Variants in SIN3A observed in about 807,000 individuals in gnomAD.
SIN3A encodes paired amphipathic helix protein Sin3a.
A neutral mutation model predicts 146.1 loss-of-function variants in SIN3A; 14 were observed. The ratio of observed to expected loss-of-function variants is 0.10; its 90% confidence interval spans 0.06 to 0.15. The LOEUF is 0.15. Ranked by LOEUF, SIN3A falls within the 10% of genes least tolerant of loss-of-function variation. The pLI is 1.00. For synonymous variants in SIN3A, 572 were observed against 572.0 expected (o/e 1.00, Z 0.00); for missense variants, 1,028 against 1,576.0 (o/e 0.65, Z 5.89).
intron 3 of SIN3A, 96 bp downstream of exon 3, chr15:75,422,551 C>T: frequency 2.2e-6 from 3 of 1,334,538 alleles, no homozygotes; most frequent in Non-Finnish European, 3.2e-6. Flanking sequence ...GCTAGTATCT[C>T]AGGTTAGAAG....
chr15:75,396,371 T>G lies in SIN3A; in HGVS notation c.1980A>C (p.Thr660=). The change falls in exon 13 of 21, where the codon ACA becomes ACC. Residue 660 remains threonine, a synonymous_variant. Transcript: ENST00000394947. The part of the protein sequence containing the change: ...KFRLDNTLGG[T]SEVIHRKALQ... ...GTGCTTTTCTATGGATGACTTCTGATGTGCCCCCAAGGGTGTTGTCCAAGC... is the reference window on the plus strand; with the variant it reads ...GTGCTTTTCTATGGATGACTTCTGAGGTGCCCCCAAGGGTGTTGTCCAAGC... The G allele has an allele frequency of 6.2e-7, 1 of 1,614,176 alleles. No individual in the cohort carries two copies. The highest frequency in any genetic ancestry group is 8.5e-7 in the Non-Finnish European group (1 of 1,180,016).
upstream of SIN3A, chr15:75,453,116 G>C (rs747329747): frequency 9.2e-5 from 14 of 152,268 alleles, no homozygotes; most frequent in Non-Finnish European, 2.1e-4. Context: ...CTCCCAGAGA[G>C]CTAAGACCCC....
intron 1 of SIN3A, among the ~76,000 whole-genome samples, chr15:75,450,375 G>A (rs2074380680): frequency 6.6e-6 from 1 of 152,082 alleles, no homozygotes; most frequent in East Asian, 1.9e-4. Flanking sequence ...TTGGCTCAAA[G>A]GAAGCCCCGC....
rs143956829 is a variant in SIN3A, at chr15:75,411,533, C to T, written c.967G>A (p.Asp323Asn). The part of the protein sequence containing the change: ...KIKNRFQGQP[D>N]IYKAFLEILH... ...ATCTCCAGGAATGCTTTGTAGATGT[C>T]TGGTTGGCCCTGAAATCTGTTCTTG... Residue 323 changes from aspartate (D) to asparagine (N), a missense_variant, in exon 6 of 21, where the codon GAC becomes AAC. Around this residue, in one of 9 missense-constraint regions of SIN3A, gnomAD observed 14 missense variants for 54.4 expected, o/e 0.26. Transcript: ENST00000394947. 3.1e-6 allele frequency: 5 copies of T among 1,614,050 alleles called. No individual in the cohort carries two copies. Among genetic ancestry groups the T allele is most frequent in the Non-Finnish European group, 4.2e-6 (5 of 1,180,044 alleles).
At chr15:75,432,986 G>A (rs1247019246) in intron 1 of SIN3A, among the ~76,000 whole-genome samples, 1 of 152,026 alleles carries the variant, frequency 6.6e-6, no homozygotes, top group Non-Finnish European at 1.5e-5. Flanking sequence ...AGGTTGCAGT[G>A]AGCAAATTCG....
chr15:75,432,685 C>CAAAA (rs71440236), intron 1 of SIN3A, among the ~76,000 whole-genome samples: 2 of 84,868 alleles, frequency 2.4e-5, no homozygotes, highest in Non-Finnish European at 4.6e-5. Context: ...GACTCTGTCT[C>CAAAA]AAAAAAAAAA....
chr15:75,396,306 T>C lies in SIN3A; in HGVS notation c.2045A>G (p.Asp682Gly). The C allele has an allele frequency of 6.2e-7, 1 of 1,614,196 alleles. No homozygotes were observed. Among genetic ancestry groups the C allele is most frequent in the Non-Finnish European group, 8.5e-7 (1 of 1,180,006 alleles). The change falls in exon 13 of 21, where the codon GAT (aspartate) becomes GGT (glycine). Residue 682 changes from aspartate (D) to glycine (G), a missense_variant. Asp to Gly is a moderately conservative substitution (Grantham distance 94, BLOSUM62 -1). Coordinates refer to ENST00000394947, the MANE Select transcript of SIN3A (RefSeq NM_001145358.2). ...AATGGAGGGATTCTTTCTCAGACCA[T>C]CAATGATGTCAGCTGCTTTATCAGC... ...IYADKAADIIDGLRKNPSIAV... is the reference protein window; with the variant it reads ...IYADKAADIIGGLRKNPSIAV...
At chr15:75,417,261 T>C (rs1393492321) in intron 3 of SIN3A, among the ~76,000 whole-genome samples, 1 of 152,180 alleles carries the variant, frequency 6.6e-6, no homozygotes, top group Non-Finnish European at 1.5e-5. Context: ...TACTCTGAGA[T>C]ACGTTAAGTT....
At chr15:75,447,217 C>T (rs777701377) in intron 1 of SIN3A, among the ~76,000 whole-genome samples, 3 of 152,126 alleles carry the variant, frequency 2.0e-5, no homozygotes, top group Admixed American at 6.6e-5. Flanking sequence ...ATTTAAGAGC[C>T]GCAGTAACAA....
chr15:75,450,777 CG>C (rs1567440744), intron 1 of SIN3A, among the ~76,000 whole-genome samples: 1 of 152,186 alleles, frequency 6.6e-6, no homozygotes, highest in Non-Finnish European at 1.5e-5. Context: ...AGACATAGGG[CG>C]GGGCAGATCT....
At chr15:75,427,621 T>C (rs1249059863) in intron 2 of SIN3A, among the ~76,000 whole-genome samples, 3 of 148,314 alleles carry the variant, frequency 2.0e-5, no homozygotes, top group East Asian at 2.0e-4. Flanking sequence ...GACTGAACCA[T>C]TGCACTCCAG....
intron 15 of SIN3A, among the ~76,000 whole-genome samples, chr15:75,391,704 T>C (rs1244415901): frequency 6.6e-6 from 1 of 152,178 alleles, no homozygotes; most frequent in African/African-American, 2.4e-5. Flanking sequence ...TTTCCTGAGT[T>C]CTACATCTTT....
chr15:75,391,931 T>C (rs192004649), intron 15 of SIN3A, among the ~76,000 whole-genome samples: 4 of 152,320 alleles, frequency 2.6e-5, no homozygotes, highest in East Asian at 1.9e-4. Flanking sequence ...TATCTGTACT[T>C]TGAAACAGAT....
intron 2 of SIN3A, among the ~76,000 whole-genome samples, chr15:75,427,352 G>A (rs958718097): frequency 1.1e-4 from 17 of 150,390 alleles, no homozygotes; most frequent in East Asian, 4.0e-4. Flanking sequence ...CAGCTGGGGC[G>A]ACAGAGCGAG....
At chr15:75,386,039 G>A (rs866903293) in intron 16 of SIN3A, among the ~76,000 whole-genome samples, 1 of 152,100 alleles carries the variant, frequency 6.6e-6, no homozygotes, top group African/African-American at 2.4e-5. Flanking sequence ...CTTTCTTTTT[G>A]AGACAGAGTC....
At chr15:75,399,056 C>T (rs2073358290) in intron 12 of SIN3A, among the ~76,000 whole-genome samples, 1 of 151,568 alleles carries the variant, frequency 6.6e-6, no homozygotes. Flanking sequence ...AAAAAATTTA[C>T]CCAGGCATGG....
intron 1 of SIN3A, among the ~76,000 whole-genome samples, chr15:75,438,462 T>C (rs559490686): frequency 7.2e-5 from 11 of 152,094 alleles, no homozygotes; most frequent in South Asian, 2.1e-4. Context: ...GGTGGGAGGA[T>C]TGCTTGAGGC....
intron 1 of SIN3A, among the ~76,000 whole-genome samples, chr15:75,449,483 G>C (rs539825262): frequency 6.6e-6 from 1 of 152,312 alleles, no homozygotes; most frequent in South Asian, 2.1e-4. Flanking sequence ...AATAGGAAAA[G>C]ATAATGTATC....
At chr15:75,376,859 TAAAAA>T (rs200318256) in intron 19 of SIN3A, among the ~76,000 whole-genome samples, 2,624 of 115,754 alleles carry the variant, frequency 0.023, 84 homozygotes, top group East Asian at 0.12. Context: ...GACACTGTCT[TAAAAA>T]AAAAAAAAAA....
Sources: gnomAD v4.1 joint callset for allele counts (sites outside exome capture counted in the v4.1 genomes callset) on GRCh38, gnomAD v4.1.1 for gene constraint, gnomAD v4.1.1 regional missense constraint, MANE v1.5 for transcripts, NCBI Gene and HGNC (gene_info 2026-07-23, HGNC 2026-07-21) for gene names.